CALN1: variants seen among roughly 807,000 people sequenced by gnomAD.
CALN1 encodes the protein calcium-binding protein 8.
A neutral mutation model predicts 30.6 loss-of-function variants in CALN1; 17 were observed. That is an observed-to-expected ratio of 0.56 (90% CI 0.38 to 0.83). The LOEUF (loss-of-function observed/expected upper bound fraction) is 0.83, where lower values mean the gene tolerates loss of function less well. Among genes scored for constraint, CALN1 ranks in the 40% least tolerant of loss-of-function variants. CALN1 has a pLI of 0.00. For synonymous variants in CALN1, 156 were observed against 131.4 expected (o/e 1.19, Z -1.28); for missense variants, 291 against 354.9 (o/e 0.82, Z 1.45).
rs569085031 is a variant in CALN1 at position 72,427,769 on chromosome 7, C to T, written c.-225-15494G>A. On this transcript the variant is annotated intron_variant, in intron 1 of 6. Transcript: ENST00000395276. The stretch of plus-strand genomic sequence containing the variant: ...GTGCTGGGGTTACAGGTAGGAGCCA[C>T]GGTGCTGGGCTGCAGAGTGATCTTT... 6.6e-5 allele frequency among the ~76,000 whole-genome samples: 10 copies of T among 152,170 alleles called. No individual in the cohort carries two copies. In the South Asian group the frequency reaches 1.7e-3, roughly 25 times the overall value.
intron 3 of CALN1, among the ~76,000 whole-genome samples, chr7:72,221,472 C>T (rs1040505283): frequency 1.3e-5 from 2 of 152,080 alleles, no homozygotes; most frequent in African/African-American, 4.8e-5. Flanking sequence ...CACCCGCCAT[C>T]GTGCCTGGCT....
intron 5 of CALN1, among the ~76,000 whole-genome samples, chr7:71,986,543 T>C (rs763857418): frequency 6.6e-6 from 1 of 152,220 alleles, no homozygotes; most frequent in Non-Finnish European, 1.5e-5. Context: ...CTTTCATTGA[T>C]GCCTTTTATG....
chr7:72,215,099 G>C (rs9638642), intron 3 of CALN1, among the ~76,000 whole-genome samples: 42,330 of 151,996 alleles, frequency 0.28, 7,598 homozygotes, highest in East Asian at 0.87. Flanking sequence ...ATCCCCCACT[G>C]CTCCATGGGA....
chr7:71,978,420 C>A (rs1048116494), intron 5 of CALN1, among the ~76,000 whole-genome samples: 29 of 151,714 alleles, frequency 1.9e-4, no homozygotes, highest in Admixed American at 7.9e-4. Flanking sequence ...TACAGGCACC[C>A]CCCCACCACG....
intron 2 of CALN1, among the ~76,000 whole-genome samples, chr7:72,380,831 G>T (rs1245358540): frequency 1.3e-5 from 2 of 152,174 alleles, no homozygotes; most frequent in East Asian, 3.8e-4. Flanking sequence ...AACAGAGCAA[G>T]ACTCTGTCTC....
intron 3 of CALN1, among the ~76,000 whole-genome samples, chr7:72,276,553 G>T (rs929841010): frequency 1.1e-4 from 16 of 151,736 alleles, no homozygotes; most frequent in African/African-American, 3.1e-4. Context: ...TTATGACAGT[G>T]CTAAGAGGTG....
chr7:72,234,863 G>A (rs184841535), intron 3 of CALN1, among the ~76,000 whole-genome samples: 1 of 152,264 alleles, frequency 6.6e-6, no homozygotes, highest in East Asian at 1.9e-4. Context: ...ACTTAATTAT[G>A]GGTGGAAAGC....
intron 5 of CALN1, among the ~76,000 whole-genome samples, chr7:71,972,785 T>G (rs1194483921): frequency 6.6e-6 from 1 of 152,226 alleles, no homozygotes; most frequent in Non-Finnish European, 1.5e-5. Context: ...ATTTGATTCC[T>G]GTATAGCAAT....
At chr7:72,249,409 CTT>C (rs1204813176) in intron 3 of CALN1, among the ~76,000 whole-genome samples, 15 of 152,286 alleles carry the variant, frequency 9.8e-5, no homozygotes, top group Middle Eastern at 3.4e-3. Context: ...AGTCAAGAAA[CTT>C]GCCCAAGATC....
chr7:72,287,604 G>A (rs1385998236), intron 2 of CALN1, among the ~76,000 whole-genome samples: 2 of 151,684 alleles, frequency 1.3e-5, no homozygotes, highest in African/African-American at 4.8e-5. Flanking sequence ...CCGCCACGAC[G>A]CACGGCTAAT....
intron 4 of CALN1, among the ~76,000 whole-genome samples, chr7:72,048,120 A>G (rs1348100020): frequency 1.3e-5 from 2 of 148,826 alleles, no homozygotes; most frequent in African/African-American, 5.0e-5. Context: ...GCTCACTGCA[A>G]CCTCCGCCTC....
At chr7:72,185,798 C>G (rs1790146633) in intron 3 of CALN1, among the ~76,000 whole-genome samples, 1 of 152,216 alleles carries the variant, frequency 6.6e-6, no homozygotes, top group Non-Finnish European at 1.5e-5. Context: ...CCGTCTTCCT[C>G]ATTCTCTCTT....
intron 2 of CALN1, among the ~76,000 whole-genome samples, chr7:72,307,602 G>A (rs575813099): frequency 2.6e-5 from 4 of 152,178 alleles, no homozygotes; most frequent in African/African-American, 4.8e-5. Flanking sequence ...TGGGCAATGC[G>A]ACTGCCTGAG....
chr7:72,393,292 A>T (rs758687719), intron 2 of CALN1, among the ~76,000 whole-genome samples: 2 of 151,994 alleles, frequency 1.3e-5, no homozygotes, highest in Non-Finnish European at 2.9e-5. Flanking sequence ...GTGAAACCCC[A>T]TCTCTACTAA....
chr7:72,018,587 C>A (rs918912435), intron 5 of CALN1, among the ~76,000 whole-genome samples: 2 of 152,150 alleles, frequency 1.3e-5, no homozygotes, highest in African/African-American at 4.8e-5. Context: ...TGAGCGTATG[C>A]CGGGAGGACT....
At chr7:72,024,552 C>T (rs892506964) in intron 4 of CALN1, among the ~76,000 whole-genome samples, 2 of 152,042 alleles carry the variant, frequency 1.3e-5, no homozygotes, top group East Asian at 3.9e-4. Flanking sequence ...GAGCAAGCCA[C>T]CAAGCCTGGC....
chr7:71,893,992 C>T (rs138044723), intron 5 of CALN1, among the ~76,000 whole-genome samples: 1 of 151,996 alleles, frequency 6.6e-6, no homozygotes, highest in African/African-American at 2.4e-5. Flanking sequence ...TAAAATCTCC[C>T]AGGATTTAAA....
intron 2 of CALN1, among the ~76,000 whole-genome samples, chr7:72,310,887 G>A (rs1267792263): frequency 7.4e-5 from 10 of 135,530 alleles, no homozygotes; most frequent in African/African-American, 2.2e-4. Flanking sequence ...CCAGCCTGGC[G>A]ACAGAGCAAG....
At chr7:72,498,892 T>C in the CALN1 span, among the ~76,000 whole-genome samples, 3 of 152,140 alleles carry the variant, frequency 2.0e-5, no homozygotes, top group Non-Finnish European at 4.4e-5. Flanking sequence ...CATATACTTA[T>C]TTTGCAAAAT....
Sources: gnomAD v4.1 joint callset for allele counts (sites outside exome capture counted in the v4.1 genomes callset) on GRCh38, gnomAD v4.1.1 for gene constraint, MANE v1.5 for transcripts, NCBI Gene and HGNC (gene_info 2026-07-23, HGNC 2026-07-21) for gene names.